Variants in MED12L observed in about 807,000 individuals in gnomAD.
MED12L encodes mediator of RNA polymerase II transcription subunit 12-like protein.
MED12L carries 60 observed loss-of-function variants against 281.3 expected under a neutral mutation model. The observed-to-expected ratio is 0.21, with a 90% confidence interval of 0.17 to 0.26. The LOEUF (loss-of-function observed/expected upper bound fraction) is 0.26, where lower values mean the gene tolerates loss of function less well. MED12L is among the 10% of genes least tolerant of loss of function. MED12L has a pLI of 1.00. For synonymous variants in MED12L, 974 were observed against 987.2 expected, an observed-to-expected ratio of 0.99 and a Z score of 0.25; for missense variants, 2,146 against 2,680.9, an observed-to-expected ratio of 0.80 and a Z score of 4.41.
intron 16 of MED12L, among the ~76,000 whole-genome samples, chr3:151,257,482 C>T (rs982940736): frequency 1.3e-5 from 2 of 152,218 alleles, no homozygotes; most frequent in African/African-American, 4.8e-5. Context: ...TACTTAACCT[C>T]TCTGTGCTTC....
At chr3:151,388,265 A>C (rs956145088) in intron 37 of MED12L, 93 bp downstream of exon 37, 1 of 1,460,520 alleles carries the variant, frequency 6.8e-7, no homozygotes, top group African/African-American at 1.4e-5. Flanking sequence ...CATTACCAAG[A>C]GCAGGATAAG....
At chr3:151,180,743 G>A (rs1209676155) in intron 11 of MED12L, among the ~76,000 whole-genome samples, 2 of 152,096 alleles carry the variant, frequency 1.3e-5, no homozygotes, top group Non-Finnish European at 2.9e-5. Flanking sequence ...CATATTCATT[G>A]GATTTTTATG....
chr3:151,408,262 T>G (rs950171921), intron 39 of MED12L, among the ~76,000 whole-genome samples: 2 of 152,226 alleles, frequency 1.3e-5, no homozygotes, highest in Admixed American at 6.5e-5. Flanking sequence ...GCCCAGCCTC[T>G]GAAATATGAT....
At chr3:151,328,245 A>G in intron 16 of MED12L, 1 of 1,613,888 alleles carries the variant, frequency 6.2e-7, no homozygotes, top group Non-Finnish European at 8.5e-7. Context: ...GCAAAATGAA[A>G]TGGAGCAAAA....
At chr3:151,389,931 G>A (rs2108218992) in intron 37 of MED12L, 48 bp from the exon 38 acceptor site, 5 of 1,587,554 alleles carry the variant, frequency 3.1e-6, no homozygotes, top group South Asian at 2.2e-5. Flanking sequence ...TTAATTAGCT[G>A]TGTGATATGT....
intron 16 of MED12L, among the ~76,000 whole-genome samples, chr3:151,248,139 G>A (rs546994893): frequency 3.0e-4 from 46 of 151,860 alleles, no homozygotes; most frequent in Non-Finnish European, 5.2e-4. Context: ...AACAAAAAAT[G>A]CTATGAATGT....
rs188983122 is a variant in MED12L at position 151,380,563 on chromosome 3, C to T, written c.4590+339C>T. ...AGTGAGCTGAGATCGCGCCATTGCA[C>T]ACCAGCCTGGGAAACAATAGTGAAA... On this transcript the variant is annotated intron_variant, in intron 32 of 44. Coordinates refer to ENST00000687756, the MANE Select transcript of MED12L (RefSeq NM_001393769.1). Among the ~76,000 whole-genome samples, 3 of 144,862 alleles carry T rather than the reference C, an allele frequency of 2.1e-5. No homozygotes were observed. In the East Asian group the frequency reaches 6.2e-4, roughly 30 times the overall value.
At chr3:151,114,756 T>G (rs984378877) in intron 2 of MED12L, among the ~76,000 whole-genome samples, 16 of 150,368 alleles carry the variant, frequency 1.1e-4, no homozygotes, top group Non-Finnish European at 2.2e-4. Context: ...GCAAGAAGGT[T>G]TTTTTTTTTT....
chr3:151,404,190 T>A (rs1716025871), intron 39 of MED12L, among the ~76,000 whole-genome samples: 1 of 152,224 alleles, frequency 6.6e-6, no homozygotes, highest in Non-Finnish European at 1.5e-5. Flanking sequence ...AATGAAAATG[T>A]GTATTTTTGC....
chr3:151,095,609 T>C (rs1720609847), intron 2 of MED12L, among the ~76,000 whole-genome samples: 1 of 152,240 alleles, frequency 6.6e-6, no homozygotes, highest in South Asian at 2.1e-4. Context: ...TCTTTCAGTC[T>C]AAGCTGGTTA....
At chr3:151,378,299 G>T in intron 31 of MED12L, 126 bp downstream of exon 31, 1 of 985,160 alleles carries the variant, frequency 1.0e-6, no homozygotes. Context: ...ATGGAACTGG[G>T]AATATTCTAT....
At chr3:151,197,489 G>A (rs1724835910) in intron 16 of MED12L, among the ~76,000 whole-genome samples, 1 of 152,126 alleles carries the variant, frequency 6.6e-6, no homozygotes, top group Non-Finnish European at 1.5e-5. Flanking sequence ...CGTGGAGTCA[G>A]GCTCATCTTT....
intron 5 of MED12L, among the ~76,000 whole-genome samples, chr3:151,141,888 T>C (rs1024266800): frequency 1.3e-5 from 2 of 152,208 alleles, no homozygotes; most frequent in Non-Finnish European, 2.9e-5. Context: ...TCAACAGTTT[T>C]TTCTAGTCAG....
intron 16 of MED12L, among the ~76,000 whole-genome samples, chr3:151,329,166 T>A (rs1275715895): frequency 6.6e-6 from 1 of 152,216 alleles, no homozygotes; most frequent in Non-Finnish European, 1.5e-5. Context: ...AAATACTGTT[T>A]TCTGGCTAGA....
chr3:151,249,182 T>C (rs930918805), intron 16 of MED12L: 11 of 152,084 alleles, frequency 7.2e-5, no homozygotes, highest in African/African-American at 2.7e-4. Context: ...AAATAGTAAA[T>C]AGTATGAAAC....
At chr3:151,344,292 A>T (rs1163092386) in intron 16 of MED12L, among the ~76,000 whole-genome samples, 1 of 107,304 alleles carries the variant, frequency 9.3e-6, no homozygotes, top group African/African-American at 4.0e-5. Context: ...CTCTATGTAT[A>T]GTTACTAATG....
intron 16 of MED12L, among the ~76,000 whole-genome samples, chr3:151,248,153 T>G (rs567692815): frequency 2.0e-5 from 3 of 152,116 alleles, no homozygotes; most frequent in Non-Finnish European, 4.4e-5. Context: ...TGAATGTTTG[T>G]TATTTAAATG....
At chr3:151,189,915 G>T (rs979197423) in intron 13 of MED12L, among the ~76,000 whole-genome samples, 1 of 152,178 alleles carries the variant, frequency 6.6e-6, no homozygotes, top group Non-Finnish European at 1.5e-5. Flanking sequence ...TTATTCAGTT[G>T]TTCCTTTTTC....
At chr3:151,293,614 C>CCCTCT (rs1744578880) in intron 16 of MED12L, among the ~76,000 whole-genome samples, 1 of 82,578 alleles carries the variant, frequency 1.2e-5, no homozygotes, top group African/African-American at 3.6e-5. Context: ...CACACACACA[C>CCCTCT]ACACGGTCCT....
Sources: allele counts gnomAD v4.1 joint callset (sites outside exome capture counted in the v4.1 genomes callset), GRCh38; gene constraint gnomAD v4.1.1; transcripts MANE v1.5; gene names NCBI Gene and HGNC (gene_info 2026-07-23, HGNC 2026-07-21).